Variants in RALGPS1 observed in about 807,000 individuals in gnomAD.
RALGPS1 encodes the protein ras-specific guanine nucleotide-releasing factor RalGPS1.
Under a neutral mutation model 78.8 loss-of-function variants are expected in RALGPS1, and 19 were observed. The ratio of observed to expected loss-of-function variants is 0.24; its 90% CI spans 0.17 to 0.35. RALGPS1 has a LOEUF of 0.35. RALGPS1 is among the 10% of genes least tolerant of loss of function. The pLI is 1.00. For missense variants in RALGPS1, 454 were observed against 688.3 expected (o/e 0.66, Z 3.81); for synonymous variants, 228 against 256.3 (o/e 0.89, Z 1.06).
At chr9:127,112,050 C>T (rs566682255) in intron 8 of RALGPS1, among the ~76,000 whole-genome samples, 1 of 152,342 alleles carries the variant, frequency 6.6e-6, no homozygotes, top group African/African-American at 2.4e-5. Flanking sequence ...TTGGACCAGC[C>T]AGTGAGCAGT....
At chr9:127,115,180 AATTATTATT>A (rs112610239) in intron 8 of RALGPS1, among the ~76,000 whole-genome samples, 1 of 151,206 alleles carries the variant, frequency 6.6e-6, no homozygotes, top group Non-Finnish European at 1.5e-5. Context: ...TGTCTTACGT[AATTATTATT>A]ATTATTATTA....
intron 8 of RALGPS1, among the ~76,000 whole-genome samples, chr9:127,137,007 CAGAGA>C (rs1327652996): frequency 6.6e-6 from 1 of 152,190 alleles, no homozygotes. Context: ...TGACCCATGT[CAGAGA>C]TTTTAACCTC....
chr9:126,941,529 C>G (rs1224040703), intron 1 of RALGPS1, among the ~76,000 whole-genome samples: 2 of 152,110 alleles, frequency 1.3e-5, no homozygotes, highest in East Asian at 1.9e-4. Context: ...CTCTGCTTTA[C>G]TTTTTTCTTT....
At chr9:126,982,928 CTTTTTTTT>C (rs71377984) in intron 4 of RALGPS1, among the ~76,000 whole-genome samples, 9 of 34,594 alleles carry the variant, frequency 2.6e-4, no homozygotes, top group Non-Finnish European at 3.1e-4. Context: ...TCTTCTTCTT[CTTTTTTTT>C]TTTTTTTTTT....
At chr9:126,986,680 A>C (rs1040899479) in intron 4 of RALGPS1, among the ~76,000 whole-genome samples, 4 of 152,176 alleles carry the variant, frequency 2.6e-5, no homozygotes, top group African/African-American at 9.7e-5. Context: ...ATCAAGGGGA[A>C]ACTGCTGTTC....
At chr9:127,143,288 A>G (rs1346860616) in intron 8 of RALGPS1, among the ~76,000 whole-genome samples, 1 of 152,228 alleles carries the variant, frequency 6.6e-6, no homozygotes, top group East Asian at 1.9e-4. Context: ...TGCTTTCCCA[A>G]AGGGTTGAAC....
chr9:127,046,359 A>G (rs1027455765), intron 5 of RALGPS1, among the ~76,000 whole-genome samples: 19 of 152,176 alleles, frequency 1.2e-4, no homozygotes, highest in Admixed American at 3.9e-4. Context: ...TTCCCTATCA[A>G]TGGGCTTTTA....
intron 11 of RALGPS1, chr9:127,177,896 G>A (rs1354099960): frequency 6.5e-7 from 1 of 1,549,420 alleles, no homozygotes; most frequent in Non-Finnish European, 8.7e-7. Flanking sequence ...TTGTTTATTA[G>A]CCATGTGAGA....
At chr9:127,217,270 A>T (rs1025562837) in intron 18 of RALGPS1, 47 of 1,157,082 alleles carry the variant, frequency 4.1e-5, no homozygotes, top group Non-Finnish European at 4.8e-5. Context: ...CCCCTTTTTT[A>T]TTTCTAATTT....
At chr9:127,145,972 A>G (rs1663705616) in intron 8 of RALGPS1, among the ~76,000 whole-genome samples, 1 of 152,262 alleles carries the variant, frequency 6.6e-6, no homozygotes, top group South Asian at 2.1e-4. Flanking sequence ...CAGCTCTGCT[A>G]GGCAGTAAGC....
chr9:127,141,367 T>C (rs2057760285), intron 8 of RALGPS1, among the ~76,000 whole-genome samples: 2 of 152,256 alleles, frequency 1.3e-5, no homozygotes, highest in Non-Finnish European at 2.9e-5. Context: ...TTTTAAGTTT[T>C]AAATGTCCTC....
chr9:127,090,993 C>A (rs1275124702), intron 8 of RALGPS1, among the ~76,000 whole-genome samples: 1 of 152,198 alleles, frequency 6.6e-6, no homozygotes, highest in African/African-American at 2.4e-5. Context: ...AGCATGTGAT[C>A]TTAGACAAAT....
chr9:126,939,575 G>A (rs913752648), intron 1 of RALGPS1, among the ~76,000 whole-genome samples: 7 of 152,174 alleles, frequency 4.6e-5, no homozygotes, highest in Admixed American at 6.5e-5. Flanking sequence ...ACATGAGATG[G>A]GTACAATCCT....
At chr9:127,062,393 C>T (rs546824841) in intron 7 of RALGPS1, among the ~76,000 whole-genome samples, 11 of 152,238 alleles carry the variant, frequency 7.2e-5, no homozygotes, top group African/African-American at 1.4e-4. Flanking sequence ...CTGCCGCGCC[C>T]GGCCAAGGAT....
At chr9:127,201,717 A>G (rs1588530674) in intron 14 of RALGPS1, among the ~76,000 whole-genome samples, 1 of 151,102 alleles carries the variant, frequency 6.6e-6, no homozygotes, top group Non-Finnish European at 1.5e-5. Flanking sequence ...TCCTCCCTCC[A>G]CTCCCAGCTC....
intron 4 of RALGPS1, among the ~76,000 whole-genome samples, chr9:126,997,211 G>T (rs1444207120): frequency 1.3e-5 from 2 of 152,118 alleles, no homozygotes; most frequent in Non-Finnish European, 2.9e-5. Flanking sequence ...GGAAATAAAG[G>T]GTATTCAATT....
rs575599926 is a variant in RALGPS1 at position 126,985,041 on chromosome 9, C to A, written c.216+7296C>A. ...CCTTCTCAACTTACTCCTTGTCATA[C>A]CTTCACTGTGGGTGGTGTATATCTC... On this transcript the variant is annotated intron_variant, in intron 4 of 18. Coordinates refer to ENST00000259351, the MANE Select transcript of RALGPS1 (RefSeq NM_014636.3). Among the ~76,000 whole-genome samples the A allele has an allele frequency of 1.1e-4, 16 of 152,326 alleles. No homozygotes were observed. The South Asian group carries it at 3.1e-3, about 30-fold the overall frequency.
intron 8 of RALGPS1, among the ~76,000 whole-genome samples, chr9:127,164,878 T>C (rs1020562870): frequency 2.9e-4 from 44 of 152,312 alleles, no homozygotes; most frequent in African/African-American, 1.0e-3. Flanking sequence ...TACTGTATCA[T>C]TGCATTAATA....
chr9:127,199,218 A>C, intron 14 of RALGPS1, 152 bp downstream of exon 14: 1 of 750,906 alleles, frequency 1.3e-6, no homozygotes, highest in Non-Finnish European at 2.3e-6. Context: ...GGCAGGGCTG[A>C]GTAGGAGGGA....
Sources: allele counts gnomAD v4.1 joint callset (sites outside exome capture counted in the v4.1 genomes callset), GRCh38; gene constraint gnomAD v4.1.1; transcripts MANE v1.5; gene names NCBI Gene and HGNC (gene_info 2026-07-23, HGNC 2026-07-21).